The following KAZN variants were observed in gnomAD, a reference collection of about 807,000 sequenced individuals.
The protein encoded by KAZN is kazrin.
KAZN carries 40 observed loss-of-function variants against 87.4 expected under a neutral mutation model. The ratio of observed to expected loss-of-function variants is 0.46; its 90% CI spans 0.36 to 0.60. The LOEUF is 0.60. Among genes scored for constraint, KAZN ranks in the 20% least tolerant of loss-of-function variants. KAZN has a pLI of 0.00. For synonymous variants in KAZN, 466 were observed against 458.3 expected (o/e 1.02, Z -0.22); for missense variants, 898 against 1,073.9 (o/e 0.84, Z 2.29).
chr1:14,047,092 TCATC>T (rs1019862928), intron 1 of KAZN, among the ~76,000 whole-genome samples: 2 of 152,304 alleles, frequency 1.3e-5, no homozygotes, highest in Non-Finnish European at 2.9e-5. Context: ...CATCCACCTG[TCATC>T]CATCCATCCA....
intron 1 of KAZN, among the ~76,000 whole-genome samples, chr1:14,746,536 C>T (rs1445477684): frequency 6.6e-6 from 1 of 151,696 alleles, no homozygotes; most frequent in Non-Finnish European, 1.5e-5. Flanking sequence ...TCCTGCAGGC[C>T]AGATGATCCG....
At chr1:14,111,046 C>T (rs1181573434) in intron 1 of KAZN, among the ~76,000 whole-genome samples, 5 of 134,486 alleles carry the variant, frequency 3.7e-5, no homozygotes, top group African/African-American at 1.4e-4. Context: ...TGGATGACTC[C>T]TGCCTTCAGT....
intron 1 of KAZN, among the ~76,000 whole-genome samples, chr1:14,759,319 G>A (rs1002108303): frequency 6.6e-6 from 1 of 152,120 alleles, no homozygotes; most frequent in African/African-American, 2.4e-5. Context: ...TGTGAAGAGT[G>A]AGAAAAATCA....
chr1:13,958,336 C>T (rs949456834), intron 1 of KAZN, among the ~76,000 whole-genome samples: 10 of 151,952 alleles, frequency 6.6e-5, no homozygotes, highest in African/African-American at 1.5e-4. Flanking sequence ...TTTGGGAGGC[C>T]GAGGCGGGCG....
intron 1 of KAZN, among the ~76,000 whole-genome samples, chr1:14,883,127 C>A (rs1015032974): frequency 7.3e-5 from 11 of 151,714 alleles, no homozygotes; most frequent in African/African-American, 2.7e-4. Flanking sequence ...GAAACCCCAT[C>A]TCTACTAAAA....
At chr1:14,237,183 C>T (rs892102164) in intron 2 of KAZN, among the ~76,000 whole-genome samples, 2 of 152,148 alleles carry the variant, frequency 1.3e-5, no homozygotes, top group African/African-American at 4.8e-5. Flanking sequence ...GCATCTCACT[C>T]TCTGATCTTC....
At chr1:14,307,968 TACA>T (rs1181847898) in intron 2 of KAZN, among the ~76,000 whole-genome samples, 1 of 152,224 alleles carries the variant, frequency 6.6e-6, no homozygotes, top group Non-Finnish European at 1.5e-5. Flanking sequence ...GCGCTGAGGA[TACA>T]ACATCATTCT....
chr1:14,947,683 A>ACCAGCCCCC (rs58281986), intron 1 of KAZN, among the ~76,000 whole-genome samples: 1 of 151,372 alleles, frequency 6.6e-6, no homozygotes, highest in Non-Finnish European at 1.5e-5. Flanking sequence ...CCTTGAACAA[A>ACCAGCCCCC]CCTGTTGAAG....
intron 1 of KAZN, among the ~76,000 whole-genome samples, chr1:14,076,387 G>A (rs1643461867): frequency 1.3e-5 from 2 of 152,280 alleles, no homozygotes; most frequent in South Asian, 4.1e-4. Context: ...GCTGAAGATT[G>A]CCAGCAAATG....
chr1:14,348,406 G>A (rs1252706053), intron 2 of KAZN, among the ~76,000 whole-genome samples: 1 of 152,120 alleles, frequency 6.6e-6, no homozygotes, highest in Non-Finnish European at 1.5e-5. Flanking sequence ...CATGCACATA[G>A]CTCACACCTA....
chr1:14,375,438 C>T (rs570080982), intron 2 of KAZN, among the ~76,000 whole-genome samples: 4 of 152,252 alleles, frequency 2.6e-5, no homozygotes, highest in East Asian at 3.9e-4. Context: ...AGAGCCATAC[C>T]GTAGGAATAC....
chr1:14,024,890 C>G (rs1255447624), intron 1 of KAZN, among the ~76,000 whole-genome samples: 1 of 152,184 alleles, frequency 6.6e-6, no homozygotes, highest in East Asian at 1.9e-4. Context: ...CTAATAACAT[C>G]CCCAGCTGAC....
chr1:14,761,802 G>T lies in KAZN; in HGVS notation c.226+162579G>T, dbSNP rs556249670. Among the ~76,000 whole-genome samples, 3 of 152,006 alleles carry T rather than the reference G, an allele frequency of 2.0e-5. No homozygotes were observed. In the South Asian group the frequency reaches 6.3e-4, roughly 32 times the overall value. ...CCATTTTCAAGGCTAAAAACACCAA[G>T]AGGAAGGTGCTGTCTGAACGTGGCA... On this transcript the variant is annotated intron_variant, in intron 1 of 14. Transcript: ENST00000376030.
At chr1:13,938,561 TC>T (rs1254342000) in intron 1 of KAZN, among the ~76,000 whole-genome samples, 1 of 152,216 alleles carries the variant, frequency 6.6e-6, no homozygotes, top group Non-Finnish European at 1.5e-5. Context: ...GGCTTCCAGT[TC>T]AAATCCTTGG....
At chr1:14,363,114 G>A (rs1056857707) in intron 2 of KAZN, among the ~76,000 whole-genome samples, 3 of 152,132 alleles carry the variant, frequency 2.0e-5, no homozygotes, top group African/African-American at 7.2e-5. Flanking sequence ...AGGGAGCCAT[G>A]GTTGCATTTT....
chr1:14,386,793 T>TG (rs1056542888), intron 2 of KAZN, among the ~76,000 whole-genome samples: 6 of 152,034 alleles, frequency 3.9e-5, no homozygotes, highest in African/African-American at 1.4e-4. Context: ...TTATGTGTCT[T>TG]GGAGTTGCTC....
rs114024844 is a variant in KAZN at position 14,578,039 on chromosome 1, A to G, written c.250-20944A>G. On this transcript the variant is annotated intron_variant, in intron 2 of 16. Coordinates refer to the KAZN transcript ENST00000636203. Reference sequence around the variant, plus strand: ...CCCAAACTGCAGTCTTCTCACCCGTACACTGAGGATAATAAGTGCATCTAC... The same window carrying G: ...CCCAAACTGCAGTCTTCTCACCCGTGCACTGAGGATAATAAGTGCATCTAC... Among the ~76,000 whole-genome samples the G allele has an allele frequency of 5.2e-3, 785 of 152,214 alleles. 10 individuals carry two copies. The highest frequency in any genetic ancestry group is 0.018 in the African/African-American group (750 of 41,552).
At chr1:13,918,488 A>G (rs1323623617) in intron 1 of KAZN, among the ~76,000 whole-genome samples, 9 of 152,270 alleles carry the variant, frequency 5.9e-5, no homozygotes, top group African/African-American at 2.2e-4. Flanking sequence ...TCTACTCCTG[A>G]TGAAGATACT....
At chr1:14,437,943 T>C (rs773683421) in intron 2 of KAZN, among the ~76,000 whole-genome samples, 3 of 152,130 alleles carry the variant, frequency 2.0e-5, no homozygotes, top group Admixed American at 2.0e-4. Flanking sequence ...CTTTTTCTCA[T>C]GTCCTCTAAA....
Sources: allele counts gnomAD v4.1 joint callset (sites outside exome capture counted in the v4.1 genomes callset), GRCh38; gene constraint gnomAD v4.1.1; transcripts MANE v1.5; gene names NCBI Gene and HGNC (gene_info 2026-07-23, HGNC 2026-07-21).